The following LONRF1 variants were observed in gnomAD, a reference collection of about 807,000 sequenced individuals.
The protein encoded by LONRF1 is LON peptidase N-terminal domain and ring finger 1.
In LONRF1, 37 loss-of-function variants were observed where a neutral mutation model predicts 85.8. The observed-to-expected ratio is 0.43, with a 90% confidence interval of 0.33 to 0.57. LONRF1 has a LOEUF of 0.57. Among genes scored for constraint, LONRF1 ranks in the 20% least tolerant of loss-of-function variants. The pLI, the probability that LONRF1 is intolerant of heterozygous loss-of-function variation, is 0.04. For synonymous variants in LONRF1, 517 were observed against 390.1 expected (o/e 1.33, Z -3.83); for missense variants, 1,036 against 978.0 (o/e 1.06, Z -0.79).
At chr8:12,728,595 T>C (rs1177495067) in intron 10 of LONRF1, among the ~76,000 whole-genome samples, 1 of 152,230 alleles carries the variant, frequency 6.6e-6, no homozygotes, top group East Asian at 1.9e-4. Flanking sequence ...CCACTATTGT[T>C]AAGTACCTAT....
At chr8:12,724,706 T>A (rs1585216949) in intron 11 of LONRF1, among the ~76,000 whole-genome samples, 1 of 152,238 alleles carries the variant, frequency 6.6e-6, no homozygotes, top group Non-Finnish European at 1.5e-5. Context: ...TGTTTTGTTA[T>A]TTAAAATTTC....
chr8:12,738,592 C>G (rs1489721304), intron 3 of LONRF1: 1 of 152,350 alleles, frequency 6.6e-6, no homozygotes, highest in Non-Finnish European at 1.5e-5. Context: ...TACAAAATTC[C>G]CTGTACTTAC....
Position 12,755,391 on chromosome 8 carries a change from G to A in LONRF1, c.30C>T (p.Ser10=). 8.5e-7 allele frequency: 1 copy of A among 1,176,910 alleles called. No individual in the cohort carries two copies. The highest frequency in any genetic ancestry group is 1.0e-6 in the Non-Finnish European group (1 of 952,670). The allele number at this position is 1,176,910 out of a possible 1,614,324, so 72.9% of individuals were successfully genotyped here. ...GGGCCATCTCCCGACTCCCTCCTGGGGAGGTCCTCGCCACCGCCGGAGAGG... is the reference window on the plus strand; with the variant it reads ...GGGCCATCTCCCGACTCCCTCCTGGAGAGGTCCTCGCCACCGCCGGAGAGG... The part of the protein sequence containing the change: MSSPAVART[S]PGGSREMAPA... Residue 10 remains serine (S), a synonymous_variant, in exon 1 of 12, where the codon TCC becomes TCT. Transcript: ENST00000398246.
chr8:12,751,208 A>G (rs1237722584), intron 1 of LONRF1, among the ~76,000 whole-genome samples: 1 of 151,992 alleles, frequency 6.6e-6, no homozygotes, highest in Non-Finnish European at 1.5e-5. Context: ...ACAGTACTCC[A>G]TAGAATTCTC....
intron 8 of LONRF1, among the ~76,000 whole-genome samples, chr8:12,730,352 A>G (rs1245370985): frequency 6.6e-6 from 1 of 152,248 alleles, no homozygotes; most frequent in African/African-American, 2.4e-5. Flanking sequence ...CAAAATGCCA[A>G]TAGTTGATTC....
At chr8:12,746,851 T>C (rs1023294537) in intron 1 of LONRF1, among the ~76,000 whole-genome samples, 3 of 152,174 alleles carry the variant, frequency 2.0e-5, no homozygotes, top group African/African-American at 4.8e-5. Flanking sequence ...GCTATTAATA[T>C]GTTGGTAACA....
In LONRF1 at chr8:12,732,369, C is replaced by G. The variant is rs180819999; in HGVS notation, c.1567-512G>C. On this transcript the variant is annotated intron_variant, in intron 7 of 11. Transcript: ENST00000398246. ...TGTCACCCACTATTGAGTAGAGGAG[C>G]AGACCTCAACTCTGTCCTTGAGTGA... Among the ~76,000 whole-genome samples the G allele has an allele frequency of 4.3e-3, 661 of 152,306 alleles. 3 individuals are homozygous for G. The highest frequency in any genetic ancestry group is 0.01 in the Admixed American group (157 of 15,302).
At position 12,731,768 on chromosome 8, in the gene LONRF1, T is replaced by A; in HGVS notation, c.1656A>T (p.Lys552Asn). The change falls in exon 8 of 12, where the codon AAA becomes AAT. Residue 552 changes from lysine (K) to asparagine (N), a missense_variant. Transcript: ENST00000398246. ...YLPDELSERK[K>N]IYDEETAELS... ...GTTCAGCAGTTTCTTCATCATATAT[T>A]TTTTTTCTCTCAGACAGTTCATCAG... 6.2e-7 allele frequency: 1 copy of A among 1,613,020 alleles called. No homozygotes were observed. Among genetic ancestry groups the A allele is most frequent in the Non-Finnish European group, 8.5e-7 (1 of 1,179,402 alleles).
At chr8:12,739,341 C>CAAAA (rs35823658) in intron 3 of LONRF1, among the ~76,000 whole-genome samples, 2 of 106,098 alleles carry the variant, frequency 1.9e-5, no homozygotes, top group African/African-American at 3.5e-5. Flanking sequence ...ATATGTTCAG[C>CAAAA]AAAAAAAAAA....
intron 7 of LONRF1, among the ~76,000 whole-genome samples, chr8:12,732,295 A>G (rs187981495): frequency 3.3e-5 from 5 of 152,324 alleles, no homozygotes; most frequent in Non-Finnish European, 7.4e-5. Flanking sequence ...TTTGTTCCCA[A>G]TTTCAGACAC....
chr8:12,734,837 T>G (rs1798658666), intron 7 of LONRF1, among the ~76,000 whole-genome samples: 1 of 152,186 alleles, frequency 6.6e-6, no homozygotes, highest in African/African-American at 2.4e-5. Flanking sequence ...ATGGCTAATA[T>G]ATCTGACAGC....
intron 4 of LONRF1, among the ~76,000 whole-genome samples, chr8:12,737,773 A>G (rs1798776660): frequency 6.6e-6 from 1 of 152,198 alleles, no homozygotes; most frequent in Non-Finnish European, 1.5e-5. Context: ...TAAAGAACTA[A>G]AAGTTTTCTT....
chr8:12,734,973 T>C lies in LONRF1; in HGVS notation c.1566+313A>G, dbSNP rs547992783. On this transcript the variant is annotated intron_variant, in intron 7 of 11. Transcript: ENST00000398246. ...GAGGGTTGGAGGCAGGGCAATAGGG[T>C]TTCCCCAGTATAGTCATCACCAAAA... Among the ~76,000 whole-genome samples the C allele has an allele frequency of 1.0e-3, 153 of 151,988 alleles. 1 individual carries two copies. Among genetic ancestry groups the C allele is most frequent in the African/African-American group, 3.5e-3 (145 of 41,440 alleles).
chr8:12,725,640 A>G, intron 11 of LONRF1, 87 bp downstream of exon 11: 1 of 1,360,846 alleles, frequency 7.3e-7, no homozygotes, highest in East Asian at 2.3e-5. Context: ...AGTAGTGCAG[A>G]AAGGACAATG....
At chr8:12,740,213 T>A (rs889177288) in intron 3 of LONRF1, among the ~76,000 whole-genome samples, 6 of 152,196 alleles carry the variant, frequency 3.9e-5, no homozygotes, top group Non-Finnish European at 8.8e-5. Context: ...GCATAGATTT[T>A]CTCAAAGAAT....
At chr8:12,750,056 T>C (rs1157728460) in intron 1 of LONRF1, among the ~76,000 whole-genome samples, 1 of 152,244 alleles carries the variant, frequency 6.6e-6, no homozygotes, top group Non-Finnish European at 1.5e-5. Flanking sequence ...TGAATCAATA[T>C]GCACATATTT....
chr8:12,725,548 T>C (rs191687258), intron 11 of LONRF1, among the ~76,000 whole-genome samples, 179 bp downstream of exon 11: 1 of 152,146 alleles, frequency 6.6e-6, no homozygotes, highest in African/African-American at 2.4e-5. Flanking sequence ...GTACGGAATG[T>C]AGTGGAGACC....
Position 12,755,189 on chromosome 8 carries a change from C to A in LONRF1, c.232G>T (p.Gly78Trp). ...LEAFAAALRRGAPARPECLGA... is the reference protein window; with the variant it reads ...LEAFAAALRRWAPARPECLGA... The stretch of plus-strand genomic sequence containing the variant: ...AGGCACTCGGGCCTGGCCGGGGCCC[C>A]GCGGCGCAGCGCCGCCGCGAACGCC... Residue 78 changes from glycine (G) to tryptophan (W), a missense_variant, in exon 1 of 12, where the codon GGG becomes TGG. Gly to Trp is a radical substitution (Grantham distance 184). Coordinates refer to ENST00000398246, the MANE Select transcript of LONRF1 (RefSeq NM_152271.5). 1 of 1,298,742 alleles carries A rather than the reference C, an allele frequency of 7.7e-7. No homozygotes were observed. The highest frequency in any genetic ancestry group is 9.7e-7 in the Non-Finnish European group (1 of 1,030,954). The allele number at this position is 1,298,742 out of a possible 1,614,324, so 80.5% of individuals were successfully genotyped here. A position where few individuals can be genotyped will look rare whatever the true frequency, so the allele number is the denominator to read the frequency against.
chr8:12,738,437 T>A (rs1798804866), intron 3 of LONRF1, among the ~76,000 whole-genome samples: 1 of 152,160 alleles, frequency 6.6e-6, no homozygotes, highest in African/African-American at 2.4e-5. Flanking sequence ...TATAAAAAGA[T>A]CTTAAAAGAC....
Sources: gnomAD v4.1 joint callset for allele counts (sites outside exome capture counted in the v4.1 genomes callset) on GRCh38, gnomAD v4.1.1 for gene constraint, MANE v1.5 for transcripts, NCBI Gene and HGNC (gene_info 2026-07-23, HGNC 2026-07-21) for gene names.